Variants in HMGA2 observed in about 807,000 individuals in gnomAD.
HMGA2 encodes high mobility group AT-hook 2.
A neutral mutation model predicts 19.1 loss-of-function variants in HMGA2; 8 were observed. The ratio of observed to expected loss-of-function variants is 0.42; its 90% CI spans 0.25 to 0.76. HMGA2 has a LOEUF of 0.76. Among genes scored for constraint, HMGA2 ranks in the 30% least tolerant of loss-of-function variants. The probability of loss-of-function intolerance (pLI) is 0.28; values close to 1 mark genes in which losing one functional copy is unlikely to be tolerated. For missense variants in HMGA2, 109 were observed against 136.3 expected (o/e 0.80, Z 1.00); for synonymous variants, 60 against 48.8 (o/e 1.23, Z -0.96).
chr12:65,877,513 G>A (rs889351187), intron 3 of HMGA2, among the ~76,000 whole-genome samples: 4 of 152,124 alleles, frequency 2.6e-5, no homozygotes, highest in African/African-American at 4.8e-5. Flanking sequence ...TAAAACACAC[G>A]GTGACTTGAT....
rs1555189598 is a variant in HMGA2 at position 65,964,299 on chromosome 12, A to AGG, written c.*1007_*1008insGG. ...ATCAATTTAAAAAGCAAAAAAAAAA[A>AGG]AGGGGGGGGCAATCTCTCTCTGTGT... On this transcript the variant is annotated 3_prime_UTR_variant, in exon 5 of 5. Transcript: ENST00000403681. 50 of 207,512 alleles carry AGG rather than the reference A, an allele frequency of 2.4e-4. No homozygotes were observed. The highest frequency in any genetic ancestry group is 3.9e-4 in the Non-Finnish European group (40 of 103,132). The allele number at this position is 207,512 out of a possible 1,614,324, so 12.9% of individuals were successfully genotyped here.
chr12:65,962,797 A>G (rs1436054332), intron 4 of HMGA2, among the ~76,000 whole-genome samples: 1 of 152,190 alleles, frequency 6.6e-6, no homozygotes, highest in Non-Finnish European at 1.5e-5. Context: ...AATACCAGCT[A>G]TTATTACCAG....
At chr12:65,935,444 G>A (rs1875857215) in intron 3 of HMGA2, among the ~76,000 whole-genome samples, 1 of 152,030 alleles carries the variant, frequency 6.6e-6, no homozygotes, top group Non-Finnish European at 1.5e-5. Flanking sequence ...CTGCATAATT[G>A]CAGTGTGTTA....
intron 3 of HMGA2, among the ~76,000 whole-genome samples, chr12:65,880,312 T>C (rs576739899): frequency 9.8e-5 from 15 of 152,330 alleles, no homozygotes; most frequent in Admixed American, 9.8e-4. Context: ...CATGATTGTT[T>C]TTTCCCAAGA....
At chr12:65,924,798 A>C (rs191466666) in intron 3 of HMGA2, among the ~76,000 whole-genome samples, 9 of 152,106 alleles carry the variant, frequency 5.9e-5, no homozygotes, top group African/African-American at 2.2e-4. Context: ...CTCCGTCTCC[A>C]AAAAAACAAA....
At chr12:65,928,560 T>G (rs1280830436) in intron 3 of HMGA2, among the ~76,000 whole-genome samples, 10 of 152,250 alleles carry the variant, frequency 6.6e-5, no homozygotes, top group African/African-American at 2.4e-4. Flanking sequence ...TTTTTTTAAC[T>G]TTTTTACTCT....
At chr12:65,932,919 G>A (rs1251450978) in intron 3 of HMGA2, among the ~76,000 whole-genome samples, 1 of 152,202 alleles carries the variant, frequency 6.6e-6, no homozygotes, top group East Asian at 1.9e-4. Flanking sequence ...TATAGCCAAT[G>A]AGGTTGTTCT....
chr12:65,956,347 T>C (rs145184952), intron 4 of HMGA2: 1 of 152,330 alleles, frequency 6.6e-6, no homozygotes, highest in African/African-American at 2.4e-5. Context: ...GGAAATACTT[T>C]TTGACTTAAC....
chr12:65,851,597 G>T, intron 3 of HMGA2: 1 of 430,768 alleles, frequency 2.3e-6, no homozygotes, highest in Non-Finnish European at 4.7e-6. Context: ...GAACTCAGGA[G>T]GCGGAGTTTG....
intron 2 of HMGA2, among the ~76,000 whole-genome samples, chr12:65,830,000 G>T (rs1156486578): frequency 1.3e-5 from 2 of 151,944 alleles, no homozygotes; most frequent in Non-Finnish European, 1.5e-5. Flanking sequence ...CAAAACAGAA[G>T]TAGGCTTTCT....
intron 3 of HMGA2, among the ~76,000 whole-genome samples, chr12:65,869,861 T>A (rs1259128459): frequency 2.0e-5 from 3 of 152,160 alleles, no homozygotes; most frequent in Non-Finnish European, 4.4e-5. Flanking sequence ...TAGAAAGTAA[T>A]AAAACTGAAT....
chr12:65,858,343 AAAAAG>A (rs1347434728), intron 3 of HMGA2: 10 of 152,314 alleles, frequency 6.6e-5, no homozygotes, highest in African/African-American at 1.9e-4. Context: ...TACAAAAAAA[AAAAAG>A]AAAAGAAAAT....
chr12:65,909,371 C>CT (rs551675214), intron 3 of HMGA2, among the ~76,000 whole-genome samples: 36 of 148,456 alleles, frequency 2.4e-4, no homozygotes, highest in Admixed American at 2.0e-3. Flanking sequence ...GGATTGCCTT[C>CT]TTTTTTTTTT....
At chr12:65,834,265 C>CCACT (rs771304543) in intron 2 of HMGA2, among the ~76,000 whole-genome samples, 2 of 152,134 alleles carry the variant, frequency 1.3e-5, no homozygotes, top group Non-Finnish European at 2.9e-5. Context: ...CTTTGAAGGG[C>CCACT]CACTCCAAAG....
At chr12:65,841,092 T>A (rs1870975794) in intron 3 of HMGA2, among the ~76,000 whole-genome samples, 2 of 152,134 alleles carry the variant, frequency 1.3e-5, no homozygotes, top group Admixed American at 6.5e-5. Flanking sequence ...TCACCACACA[T>A]CCTTAAACAG....
intron 3 of HMGA2, among the ~76,000 whole-genome samples, chr12:65,894,886 A>C (rs970272550): frequency 3.9e-5 from 6 of 152,194 alleles, no homozygotes; most frequent in Non-Finnish European, 5.9e-5. Context: ...AGTGTTTTAT[A>C]TGATTACATG....
intron 3 of HMGA2, among the ~76,000 whole-genome samples, chr12:65,869,277 C>T (rs141604787): frequency 3.9e-5 from 6 of 152,214 alleles, no homozygotes; most frequent in African/African-American, 1.4e-4. Flanking sequence ...TGGTGGATCA[C>T]AGAGCAACTC....
chr12:65,958,657 A>C (rs1309947049), intron 4 of HMGA2: 1 of 152,014 alleles, frequency 6.6e-6, no homozygotes, highest in Non-Finnish European at 1.5e-5. Context: ...AACGTGGAAA[A>C]CTCCTAAATG....
At chr12:65,955,113 G>C (rs761761829) in intron 4 of HMGA2, 1 of 152,110 alleles carries the variant, frequency 6.6e-6, no homozygotes, top group African/African-American at 2.4e-5. Flanking sequence ...CCTGGTTGGC[G>C]GGGGAGGGTT....
Sources: gnomAD v4.1 joint callset for allele counts (sites outside exome capture counted in the v4.1 genomes callset) on GRCh38, gnomAD v4.1.1 for gene constraint, MANE v1.5 for transcripts, NCBI Gene and HGNC (gene_info 2026-07-23, HGNC 2026-07-21) for gene names.